PXDNL: variants seen among roughly 807,000 people sequenced by gnomAD.
PXDNL encodes the protein peroxidasin like, also known as probable oxidoreductase PXDNL.
A neutral mutation model predicts 150.8 loss-of-function variants in PXDNL; 145 were observed. The observed-to-expected ratio is 0.96, with a 90% CI of 0.84 to 1.10. The LOEUF is 1.10. Among genes scored for constraint, PXDNL ranks in the 50% least tolerant of loss-of-function variants. The probability of loss-of-function intolerance (pLI) is 0.00; values close to 1 mark genes in which losing one functional copy is unlikely to be tolerated. For synonymous variants in PXDNL, 757 were observed against 725.7 expected, an observed-to-expected ratio of 1.04 and a Z score of -0.69; for missense variants, 2,087 against 1,873.9, an observed-to-expected ratio of 1.11 and a Z score of -2.10.
At chr8:51,745,971 C>A (rs551408714) in intron 1 of PXDNL, among the ~76,000 whole-genome samples, 1 of 152,270 alleles carries the variant, frequency 6.6e-6, no homozygotes, top group African/African-American at 2.4e-5. Flanking sequence ...GTTGACCAGG[C>A]TGGTCTTGAA....
At chr8:51,491,737 A>C (rs1810900626) in intron 5 of PXDNL, among the ~76,000 whole-genome samples, 1 of 152,254 alleles carries the variant, frequency 6.6e-6, no homozygotes, top group Non-Finnish European at 1.5e-5. Flanking sequence ...CACGACAAAA[A>C]TACAAGGCTT....
At chr8:51,441,653 C>T (rs1809552223) in intron 12 of PXDNL, among the ~76,000 whole-genome samples, 1 of 152,090 alleles carries the variant, frequency 6.6e-6, no homozygotes, top group African/African-American at 2.4e-5. Context: ...TCCCTCAGTA[C>T]TGGTACACAG....
chr8:51,374,526 G>T, intron 18 of PXDNL, 71 bp downstream of exon 18: 1 of 1,469,932 alleles, frequency 6.8e-7, no homozygotes, highest in East Asian at 2.3e-5. Context: ...GAATCACAAT[G>T]TTAAACATAT....
At chr8:51,331,164 G>C (rs1805674449) in intron 21 of PXDNL, among the ~76,000 whole-genome samples, 1 of 152,166 alleles carries the variant, frequency 6.6e-6, no homozygotes, top group East Asian at 1.9e-4. Context: ...CCCAACTGCA[G>C]AAGTGGGAAA....
chr8:51,724,582 G>A (rs1027391618), intron 1 of PXDNL, among the ~76,000 whole-genome samples: 3 of 152,166 alleles, frequency 2.0e-5, no homozygotes, highest in African/African-American at 4.8e-5. Flanking sequence ...TCTGCCCTTC[G>A]AGAGTAGGCC....
chr8:51,507,734 G>A (rs933048059), intron 4 of PXDNL, among the ~76,000 whole-genome samples: 1 of 152,176 alleles, frequency 6.6e-6, no homozygotes, highest in Non-Finnish European at 1.5e-5. Context: ...ATCTGGCAAT[G>A]TCTGGAGATG....
rs1334330332 is a variant in PXDNL at position 51,481,066 on chromosome 8, G to A, written c.524+2577C>T. 2.0e-5 allele frequency among the ~76,000 whole-genome samples: 3 copies of A among 152,328 alleles called. No homozygotes were observed. In the East Asian group the frequency reaches 5.8e-4, roughly 29 times the overall value. ...TTGGAACAGTTTAGAGGGCTCAGAA[G>A]CAGATAGAAAAATGTTTGAAAGTTT... On this transcript the variant is annotated intron_variant, in intron 6 of 22. Transcript: ENST00000356297.
chr8:51,430,195 C>T (rs1034934981), intron 12 of PXDNL, among the ~76,000 whole-genome samples: 1 of 152,204 alleles, frequency 6.6e-6, no homozygotes, highest in Admixed American at 6.5e-5. Context: ...TAAAGCAAAG[C>T]TCTTCTCACT....
intron 4 of PXDNL, among the ~76,000 whole-genome samples, chr8:51,534,055 G>A (rs922701254): frequency 6.9e-5 from 10 of 145,330 alleles, no homozygotes; most frequent in African/African-American, 2.5e-4. Context: ...CCTCTTCCCC[G>A]CCGCCATCCC....
intron 12 of PXDNL, among the ~76,000 whole-genome samples, chr8:51,446,530 A>G (rs1809681628): frequency 6.6e-6 from 1 of 152,180 alleles, no homozygotes; most frequent in South Asian, 2.1e-4. Context: ...TGGATGAATA[A>G]CACAATCTCA....
intron 14 of PXDNL, among the ~76,000 whole-genome samples, chr8:51,422,507 AT>A (rs936553679): frequency 7.2e-5 from 11 of 152,206 alleles, no homozygotes; most frequent in Admixed American, 5.2e-4. Context: ...AGCTAAATCT[AT>A]TTTTAGTGAG....
intron 2 of PXDNL, among the ~76,000 whole-genome samples, chr8:51,608,649 A>G (rs908389138): frequency 6.7e-6 from 1 of 148,882 alleles, no homozygotes; most frequent in Non-Finnish European, 1.5e-5. Flanking sequence ...CATCCTGGCT[A>G]ACACGGTGAA....
intron 4 of PXDNL, among the ~76,000 whole-genome samples, chr8:51,500,763 A>T (rs975861992): frequency 6.6e-6 from 1 of 152,250 alleles, no homozygotes; most frequent in Admixed American, 6.5e-5. Context: ...GGGAAGACAC[A>T]GTGAATAGTA....
intron 1 of PXDNL, among the ~76,000 whole-genome samples, chr8:51,701,910 A>T (rs1816266189): frequency 6.6e-6 from 1 of 152,182 alleles, no homozygotes; most frequent in African/African-American, 2.4e-5. Flanking sequence ...CTGCCCATGA[A>T]ATTCACCCAA....
chr8:51,644,335 T>TACACAC lies in PXDNL; in HGVS notation c.236+10353_236+10354insGTGTGT, dbSNP rs199788608. Among the ~76,000 whole-genome samples the TACACAC allele has an allele frequency of 6.2e-5, 3 of 48,696 alleles. No individual in the cohort carries two copies. The East Asian group carries it at 2.0e-3, about 32-fold the overall frequency. 31.9% of individuals were successfully genotyped at this position (48,696 alleles called of 152,430 possible). On this transcript the variant is annotated intron_variant, in intron 2 of 22. Transcript: ENST00000356297. ...GCACATTTTTACATATATATATATATATACACACACACACACACACACACA... is the reference window on the plus strand; with the variant it reads ...GCACATTTTTACATATATATATATATACACACATACACACACACACACACACACACA...
chr8:51,703,830 C>T (rs908370729), intron 1 of PXDNL, among the ~76,000 whole-genome samples: 3 of 152,162 alleles, frequency 2.0e-5, no homozygotes, highest in Non-Finnish European at 2.9e-5. Flanking sequence ...TAGTTTTTCA[C>T]GCCAAAATCT....
intron 17 of PXDNL, among the ~76,000 whole-genome samples, chr8:51,389,119 GAGA>G (rs1373850107): frequency 2.0e-5 from 3 of 152,136 alleles, no homozygotes; most frequent in African/African-American, 7.2e-5. Flanking sequence ...TTGCATGTGT[GAGA>G]AGGAGAGAAC....
chr8:51,646,944 C>A (rs1298887648), intron 2 of PXDNL, among the ~76,000 whole-genome samples: 1 of 152,042 alleles, frequency 6.6e-6, no homozygotes, highest in Non-Finnish European at 1.5e-5. Context: ...GGAGAGAGAG[C>A]CGATGGCCTG....
intron 17 of PXDNL, among the ~76,000 whole-genome samples, chr8:51,378,648 T>C (rs969194601): frequency 2.0e-5 from 3 of 152,210 alleles, no homozygotes; most frequent in Admixed American, 2.0e-4. Context: ...TGCACTGGCT[T>C]TATGAGCTGT....
Sources: allele counts gnomAD v4.1 joint callset (sites outside exome capture counted in the v4.1 genomes callset), GRCh38; gene constraint gnomAD v4.1.1; transcripts MANE v1.5; gene names NCBI Gene and HGNC (gene_info 2026-07-23, HGNC 2026-07-21).